Variants in DLC1 observed in about 807,000 individuals in gnomAD.
DLC1 encodes DLC1 Rho GTPase activating protein.
Under a neutral mutation model 140.3 loss-of-function variants are expected in DLC1, and 54 were observed. The ratio of observed to expected loss-of-function variants is 0.38; its 90% CI spans 0.31 to 0.48. The LOEUF is 0.48. Ranked by LOEUF, DLC1 falls within the 20% of genes least tolerant of loss-of-function variation. DLC1 has a pLI of 0.96. For missense variants in DLC1, 2,536 were observed against 1,907.0 expected (o/e 1.33, Z -6.14); for synonymous variants, 986 against 728.1 (o/e 1.35, Z -5.70).
intron 4 of DLC1, among the ~76,000 whole-genome samples, chr8:13,358,807 G>A (rs1048920056): frequency 6.6e-6 from 1 of 152,068 alleles, no homozygotes; most frequent in African/African-American, 2.4e-5. Context: ...TTTCTCTTTA[G>A]GTATATACTC....
intron 4 of DLC1, among the ~76,000 whole-genome samples, chr8:13,307,116 G>T (rs928291294): frequency 1.3e-5 from 2 of 150,312 alleles, no homozygotes; most frequent in South Asian, 2.1e-4. Flanking sequence ...AGGTAGAGAT[G>T]GGGGGAGTTA....
At chr8:13,234,663 G>T (rs1005631205) in intron 5 of DLC1, among the ~76,000 whole-genome samples, 3 of 151,980 alleles carry the variant, frequency 2.0e-5, no homozygotes, top group Non-Finnish European at 2.9e-5. Context: ...CTTGTCTAGG[G>T]TTCTACTTGA....
rs780552045 is a variant in DLC1 at position 13,100,049 on chromosome 8, C to T, written c.2288G>A (p.Arg763Gln). 5 of 1,613,070 alleles carry T rather than the reference C, an allele frequency of 3.1e-6. No homozygotes were observed. Among genetic ancestry groups the T allele is most frequent in the East Asian group, 2.2e-5 (1 of 44,888 alleles). ...VSTPSPVTRT[R>Q]SLSACNKRVG... ...CCGCTTGTTGCACGCACTGAGGCTC[C>T]GGGTCCTCGTAACAGGGCTGGGCGT... Residue 763 changes from arginine to glutamine, a missense_variant, in exon 9 of 18, where the codon CGG (arginine) becomes CAG (glutamine). Transcript: ENST00000276297.
chr8:13,088,336 C>A, intron 16 of DLC1, 151 bp downstream of exon 16: 1 of 894,182 alleles, frequency 1.1e-6, no homozygotes, highest in Non-Finnish European at 1.7e-6. Context: ...CCCACCTTGG[C>A]CTCCCAGAGT....
intron 5 of DLC1, chr8:13,133,270 T>C: frequency 7.5e-7 from 1 of 1,326,210 alleles, no homozygotes; most frequent in South Asian, 1.7e-5. Flanking sequence ...GCGCCCTCGC[T>C]CGGGCAGTCG....
chr8:13,553,046 C>G (rs947129005), intron 1 of DLC1, among the ~76,000 whole-genome samples: 30 of 151,144 alleles, frequency 2.0e-4, no homozygotes, highest in Admixed American at 3.3e-4. Flanking sequence ...CTTCAGCTTA[C>G]AAAATATTAG....
At chr8:13,536,538 C>G (rs577673012) in intron 1 of DLC1, among the ~76,000 whole-genome samples, 19 of 152,284 alleles carry the variant, frequency 1.2e-4, no homozygotes, top group African/African-American at 4.6e-4. Flanking sequence ...GGCAATTGCT[C>G]TCATCTCCTA....
intron 5 of DLC1, among the ~76,000 whole-genome samples, chr8:13,149,941 C>T (rs922534192): frequency 6.6e-6 from 1 of 152,198 alleles, no homozygotes; most frequent in Admixed American, 6.5e-5. Context: ...TAACCACATA[C>T]TTTGTTTAAA....
In DLC1 at chr8:13,568,453, A is replaced by G. The variant is rs566730274; in HGVS notation, c.-126+36084T>C. 6.6e-5 allele frequency among the ~76,000 whole-genome samples: 10 copies of G among 152,214 alleles called. No individual in the cohort carries two copies. The South Asian group carries it at 1.9e-3, about 28-fold the overall frequency. ...TGACAGTTTGAAGAAACATTTGATTATTTGTTTTTGCGCTTCAGAGGAAAG... is the reference window on the plus strand; with the variant it reads ...TGACAGTTTGAAGAAACATTTGATTGTTTGTTTTTGCGCTTCAGAGGAAAG... On this transcript the variant is annotated intron_variant, in intron 1 of 1. Coordinates refer to the DLC1 transcript ENST00000631382.
intron 5 of DLC1, among the ~76,000 whole-genome samples, chr8:13,116,823 C>G (rs531561747): frequency 1.3e-5 from 2 of 152,194 alleles, no homozygotes; most frequent in African/African-American, 2.4e-5. Context: ...TTCTTAATAC[C>G]CAAACTAAAA....
rs1799246231 is a variant in DLC1, at chr8:13,453,529, TATATATATACATATATATA to T, written c.1023+45501_1023+45519del. ...ATATATATATACATATATATATATG[TATATATATACATATATATA>T]TATATATATTTTTTTTTTTTTTTTT... On this transcript the variant is annotated intron_variant, in intron 2 of 17. Coordinates refer to ENST00000276297, the MANE Select transcript of DLC1 (RefSeq NM_182643.3). 1.1e-4 allele frequency among the ~76,000 whole-genome samples: 6 copies of T among 53,752 alleles called. 2 individuals are homozygous for T. Among genetic ancestry groups the T allele is most frequent in the East Asian group, 5.4e-4 (1 of 1,838 alleles). 35.3% of individuals were successfully genotyped at this position (53,752 alleles called of 152,430 possible).
At chr8:13,455,236 C>G (rs1001306793) in intron 2 of DLC1, among the ~76,000 whole-genome samples, 1 of 152,166 alleles carries the variant, frequency 6.6e-6, no homozygotes, top group African/African-American at 2.4e-5. Context: ...TAAGCAGACT[C>G]TTACATGTAC....
At chr8:13,214,869 C>A (rs1349824805) in intron 5 of DLC1, 2 of 716,346 alleles carry the variant, frequency 2.8e-6, no homozygotes, top group Non-Finnish European at 5.1e-6. Context: ...GGTCTCATGA[C>A]AGGGCTTTTG....
chr8:13,431,107 C>T (rs1469645494), intron 2 of DLC1, among the ~76,000 whole-genome samples: 1 of 152,090 alleles, frequency 6.6e-6, no homozygotes, highest in African/African-American at 2.4e-5. Context: ...AAACACTATT[C>T]AAAGTAGCTT....
chr8:13,431,224 C>G (rs535349608), intron 2 of DLC1, among the ~76,000 whole-genome samples: 2 of 152,206 alleles, frequency 1.3e-5, no homozygotes, highest in East Asian at 3.9e-4. Context: ...GTGGCTCACG[C>G]CTGTAATCCC....
At position 13,217,863 on chromosome 8, in the gene DLC1, A is replaced by AC. The variant is rs1242218330; in HGVS notation, c.1348+87405dup. The stretch of plus-strand genomic sequence containing the variant: ...AAAAAAAAAACAACAACAAAAAAAA[A>AC]CCAACCAACTAAAAGTTGTTCTTTA... On this transcript the variant is annotated intron_variant, in intron 5 of 17. Coordinates refer to ENST00000276297, the MANE Select transcript of DLC1 (RefSeq NM_182643.3). Among the ~76,000 whole-genome samples, 121 of 151,600 alleles carry AC rather than the reference A, an allele frequency of 8.0e-4. 1 individual carries two copies. The highest frequency in any genetic ancestry group is 2.9e-3 in the African/African-American group (119 of 41,180).
In DLC1 at chr8:13,085,568, A is replaced by C; in HGVS notation, c.*243T>G. 2.8e-6 allele frequency: 1 copy of C among 361,340 alleles called. No homozygotes were observed. The highest frequency in any genetic ancestry group is 4.9e-5 in the East Asian group (1 of 20,456). 22.4% of individuals were successfully genotyped at this position (361,340 alleles called of 1,614,324 possible). A position where few individuals can be genotyped will look rare whatever the true frequency, so the allele number is the denominator to read the frequency against. ...TCTCAGAAGCAATTTGAATAAGAAT[A>C]CACATAAATTTTTTTTTTTTTTTTG... On this transcript the variant is annotated 3_prime_UTR_variant, in exon 18 of 18. Transcript: ENST00000276297.
rs766827885 is a variant in DLC1, at chr8:13,099,808, G to A, written c.2529C>T (p.Phe843=). 8.6e-5 allele frequency: 139 copies of A among 1,614,034 alleles called. No homozygotes were observed. Among genetic ancestry groups the A allele is most frequent in the Non-Finnish European group, 1.2e-4 (136 of 1,180,048 alleles). Residue 843 remains phenylalanine (F), a synonymous_variant, in exon 9 of 18, where the codon TTC becomes TTT. Transcript: ENST00000276297. Reference sequence around the variant, plus strand: ...TGAGGCTGATGTGGCCAGGGCCGTGGAAGCTTCCCGTCCTCCAGTTCACAG... The same window carrying A: ...TGAGGCTGATGTGGCCAGGGCCGTGAAAGCTTCCCGTCCTCCAGTTCACAG... ...NGSVNWRTGS[F]HGPGHISLRR... is the part of the protein sequence containing the mutation.
chr8:13,502,367 GAT>G (rs1801857554), intron 1 of DLC1, among the ~76,000 whole-genome samples: 1 of 152,004 alleles, frequency 6.6e-6, no homozygotes, highest in Admixed American at 6.6e-5. Flanking sequence ...TTATTTTTAA[GAT>G]ATGCAATTTC....
Sources: allele counts gnomAD v4.1 joint callset (sites outside exome capture counted in the v4.1 genomes callset), GRCh38; gene constraint gnomAD v4.1.1; transcripts MANE v1.5; gene names NCBI Gene and HGNC (gene_info 2026-07-23, HGNC 2026-07-21).